The following CFAP299 variants were observed in gnomAD, a reference collection of about 807,000 sequenced individuals.
CFAP299 encodes cilia and flagella associated protein 299, also known as cilia- and flagella-associated protein 299.
A neutral mutation model predicts 27.0 loss-of-function variants in CFAP299; 21 were observed. The ratio of observed to expected loss-of-function variants is 0.78; its 90% CI spans 0.55 to 1.12. CFAP299 has a LOEUF of 1.12. Ranked by LOEUF, CFAP299 falls within the 50% of genes most tolerant of loss-of-function variation. CFAP299 has a pLI of 0.00. For synonymous variants in CFAP299, 104 were observed against 98.1 expected (o/e 1.06, Z -0.36); for missense variants, 310 against 276.6 (o/e 1.12, Z -0.86).
intron 2 of CFAP299, among the ~76,000 whole-genome samples, chr4:80,563,991 G>T (rs1735162783): frequency 6.6e-6 from 1 of 151,946 alleles, no homozygotes; most frequent in Non-Finnish European, 1.5e-5. Flanking sequence ...TAATGAAGAA[G>T]TCCAAAACCT....
chr4:80,503,356 AT>A (rs940237173), intron 2 of CFAP299, among the ~76,000 whole-genome samples: 1 of 151,868 alleles, frequency 6.6e-6, no homozygotes, highest in African/African-American at 2.4e-5. Flanking sequence ...TTCCTCCTCT[AT>A]TTTTTTACTG....
rs1371602565 is a variant in CFAP299, at chr4:80,753,298, A to G, written c.334-116695A>G. 2.6e-5 allele frequency among the ~76,000 whole-genome samples: 4 copies of G among 151,912 alleles called. No homozygotes were observed. In the East Asian group the frequency reaches 7.7e-4, roughly 29 times the overall value. On this transcript the variant is annotated intron_variant, in intron 3 of 5. Transcript: ENST00000358105. ...TTGACATAATTTTTTTTCTGTGAGC[A>G]TCTTAGAGATATTACTTCATCATCT...
chr4:80,539,584 T>C lies in CFAP299; in HGVS notation c.243-43509T>C, dbSNP rs138200117. ...GGGTAGAGGTGATACTGGCTTAGCG[T>C]GTGAGAGTTAAATACAGGAAGCAGG... On this transcript the variant is annotated intron_variant, in intron 2 of 5. Coordinates refer to ENST00000358105, the MANE Select transcript of CFAP299 (RefSeq NM_152770.3). 3.3e-5 allele frequency among the ~76,000 whole-genome samples: 5 copies of C among 152,124 alleles called. No homozygotes were observed. In the East Asian group the frequency reaches 9.7e-4, roughly 29 times the overall value.
At chr4:80,737,006 C>G (rs566788933) in intron 3 of CFAP299, among the ~76,000 whole-genome samples, 1 of 152,166 alleles carries the variant, frequency 6.6e-6, no homozygotes, top group Non-Finnish European at 1.5e-5. Context: ...AGTTCATGTC[C>G]TTTGTAGGGA....
intron 5 of CFAP299, among the ~76,000 whole-genome samples, chr4:80,961,226 TA>T (rs1050221615): frequency 7.9e-5 from 12 of 151,732 alleles, no homozygotes; most frequent in African/African-American, 2.7e-4. Flanking sequence ...TAGACCTAAG[TA>T]AGTTCAAGAA....
chr4:80,869,595 C>T (rs36002245), intron 3 of CFAP299, among the ~76,000 whole-genome samples: 22,665 of 152,142 alleles, frequency 0.15, 2,034 homozygotes, highest in Middle Eastern at 0.27. Flanking sequence ...CTCACTGCAA[C>T]CTCTGCTTCC....
chr4:80,785,253 G>A (rs1727176580), intron 3 of CFAP299, among the ~76,000 whole-genome samples: 1 of 151,280 alleles, frequency 6.6e-6, no homozygotes, highest in African/African-American at 2.4e-5. Context: ...TATTTTGCAT[G>A]TGGAAATCCA....
intron 3 of CFAP299, among the ~76,000 whole-genome samples, chr4:80,828,206 C>T (rs13108385): frequency 0.11 from 17,073 of 151,676 alleles, 1,210 homozygotes; most frequent in Middle Eastern, 0.2. Flanking sequence ...TTCTGAAATT[C>T]ATATGGAATC....
At chr4:80,477,351 A>G (rs1357664256) in intron 2 of CFAP299, among the ~76,000 whole-genome samples, 3 of 152,026 alleles carry the variant, frequency 2.0e-5, no homozygotes, top group Non-Finnish European at 4.4e-5. Context: ...ATGAGCCACC[A>G]CATCCAACCC....
At chr4:80,481,935 G>T (rs906964874) in intron 2 of CFAP299, among the ~76,000 whole-genome samples, 1 of 151,850 alleles carries the variant, frequency 6.6e-6, no homozygotes, top group South Asian at 2.1e-4. Flanking sequence ...ATTTAATTAA[G>T]AGCTTTTATC....
chr4:80,846,933 C>T (rs1042256442), intron 3 of CFAP299, among the ~76,000 whole-genome samples: 1 of 152,164 alleles, frequency 6.6e-6, no homozygotes, highest in African/African-American at 2.4e-5. Context: ...CCAAGATTGT[C>T]CCCTGTTCTC....
At chr4:80,508,347 T>TC (rs1325577225) in intron 2 of CFAP299, among the ~76,000 whole-genome samples, 1 of 152,210 alleles carries the variant, frequency 6.6e-6, no homozygotes, top group African/African-American at 2.4e-5. Context: ...TCTCTTTTTT[T>TC]CCCGAATTTA....
intron 5 of CFAP299, among the ~76,000 whole-genome samples, chr4:80,951,721 C>A (rs1349741561): frequency 6.6e-6 from 1 of 152,174 alleles, no homozygotes; most frequent in African/African-American, 2.4e-5. Flanking sequence ...GATTTTATAT[C>A]CACTGCTTTA....
intron 3 of CFAP299, among the ~76,000 whole-genome samples, chr4:80,642,635 G>A (rs74319450): frequency 2.0e-5 from 3 of 152,006 alleles, no homozygotes; most frequent in Non-Finnish European, 2.9e-5. Flanking sequence ...GTGGTGGCAC[G>A]TGCCTATAGT....
intron 2 of CFAP299, among the ~76,000 whole-genome samples, chr4:80,566,886 CT>C (rs1214092985): frequency 3.3e-5 from 5 of 152,154 alleles, no homozygotes; most frequent in Admixed American, 2.0e-4. Flanking sequence ...CCTTTATCCC[CT>C]GAAAGTGTGA....
intron 3 of CFAP299, among the ~76,000 whole-genome samples, chr4:80,814,007 G>T (rs532005250): frequency 6.6e-6 from 1 of 151,854 alleles, no homozygotes; most frequent in Non-Finnish European, 1.5e-5. Flanking sequence ...AAGAGTTAAC[G>T]TATATTATTC....
intron 2 of CFAP299, among the ~76,000 whole-genome samples, chr4:80,397,680 C>A (rs1310360026): frequency 6.6e-6 from 1 of 152,070 alleles, no homozygotes; most frequent in Non-Finnish European, 1.5e-5. Context: ...ATTGATGGGA[C>A]ATATCTCAAA....
At chr4:80,627,181 G>C (rs1386967331) in intron 3 of CFAP299, among the ~76,000 whole-genome samples, 8 of 151,830 alleles carry the variant, frequency 5.3e-5, no homozygotes, top group African/African-American at 1.9e-4. Context: ...GTGATGCAAG[G>C]ATGGTCCTAT....
At chr4:80,785,227 G>A (rs935272706) in intron 3 of CFAP299, among the ~76,000 whole-genome samples, 42 of 151,392 alleles carry the variant, frequency 2.8e-4, no homozygotes, top group Non-Finnish European at 8.8e-5. Context: ...TATGGTATGA[G>A]ACAGTTCAAT....
Sources: gnomAD v4.1 joint callset for allele counts (sites outside exome capture counted in the v4.1 genomes callset) on GRCh38, gnomAD v4.1.1 for gene constraint, MANE v1.5 for transcripts, NCBI Gene and HGNC (gene_info 2026-07-23, HGNC 2026-07-21) for gene names.